The following ANKS1B variants were observed in gnomAD, a reference collection of about 807,000 sequenced individuals.
ANKS1B encodes the protein ankyrin repeat and sterile alpha motif domain containing 1B, also known as ankyrin repeat and sterile alpha motif domain-containing protein 1B.
In ANKS1B, 36 loss-of-function variants were observed where a neutral mutation model predicts 148.3. The observed-to-expected ratio is 0.24, with a 90% CI of 0.19 to 0.32. The LOEUF (loss-of-function observed/expected upper bound fraction) is 0.32, where lower values mean the gene tolerates loss of function less well. ANKS1B is among the 10% of genes least tolerant of loss of function. The pLI is 1.00. For missense variants in ANKS1B, 1,157 were observed against 1,542.6 expected (o/e 0.75, Z 4.19); for synonymous variants, 542 against 560.8 (o/e 0.97, Z 0.47).
chr12:98,910,167 T>C (rs534799895), intron 17 of ANKS1B, among the ~76,000 whole-genome samples: 2 of 152,268 alleles, frequency 1.3e-5, no homozygotes, highest in East Asian at 3.9e-4. Context: ...TAAAAGGAAA[T>C]ATAGTTTTGC....
At chr12:98,886,587 G>A (rs1358203513) in intron 17 of ANKS1B, among the ~76,000 whole-genome samples, 3 of 152,210 alleles carry the variant, frequency 2.0e-5, no homozygotes, top group African/African-American at 4.8e-5. Context: ...ATATGATACA[G>A]TATCTGATCT....
intron 17 of ANKS1B, among the ~76,000 whole-genome samples, chr12:98,853,589 C>T (rs1307714120): frequency 6.6e-6 from 1 of 152,226 alleles, no homozygotes; most frequent in Non-Finnish European, 1.5e-5. Context: ...CTTCTTCCCA[C>T]TCAGTTTTCA....
At chr12:99,809,671 G>C (rs941832157) in intron 3 of ANKS1B, among the ~76,000 whole-genome samples, 1 of 151,918 alleles carries the variant, frequency 6.6e-6, no homozygotes, top group South Asian at 2.1e-4. Flanking sequence ...TTATAATATA[G>C]TTTATAAACC....
In ANKS1B at chr12:99,773,004, C is replaced by T. The variant is rs773979049; in HGVS notation, c.1046G>A (p.Cys349Tyr). 5.0e-6 allele frequency: 8 copies of T among 1,612,126 alleles called. No individual in the cohort carries two copies. In the East Asian group the frequency reaches 1.1e-4, roughly 22 times the overall value. Residue 349 changes from cysteine to tyrosine, a missense_variant, in exon 8 of 27, where the codon TGC (cysteine) becomes TAC (tyrosine). Cys to Tyr is a radical substitution (Grantham distance 194). Around this residue, in one of 6 missense-constraint regions of ANKS1B, gnomAD observed 661 missense variants for 642.1 expected, o/e 1.03. Coordinates refer to ENST00000683438, the MANE Select transcript of ANKS1B (RefSeq NM_001352186.2). ...QEKDYSFEDL[C>Y]HTISDHYLDN... ...TAAGTAGTGGTCTGATATTGTGTGGCACAAGTCTTCAAACGAATAATCCTT... is the reference window on the plus strand; with the variant it reads ...TAAGTAGTGGTCTGATATTGTGTGGTACAAGTCTTCAAACGAATAATCCTT...
At chr12:99,777,333 A>G (rs1012230409) in intron 6 of ANKS1B, among the ~76,000 whole-genome samples, 2 of 152,226 alleles carry the variant, frequency 1.3e-5, no homozygotes, top group Admixed American at 1.3e-4. Flanking sequence ...TTTGCCAGTA[A>G]TTAGAGAACT....
intron 1 of ANKS1B, among the ~76,000 whole-genome samples, chr12:99,890,722 A>G (rs1462907192): frequency 6.6e-6 from 1 of 152,042 alleles, no homozygotes; most frequent in Non-Finnish European, 1.5e-5. Context: ...ATTCACATAC[A>G]TTTTCTGAGT....
chr12:99,597,978 T>G (rs572335132), intron 9 of ANKS1B, among the ~76,000 whole-genome samples: 1 of 152,106 alleles, frequency 6.6e-6, no homozygotes, highest in South Asian at 2.1e-4. Flanking sequence ...CTGAACCCAG[T>G]AAAAACTGAA....
chr12:99,624,259 T>C (rs907193692), intron 9 of ANKS1B, among the ~76,000 whole-genome samples: 1 of 152,012 alleles, frequency 6.6e-6, no homozygotes, highest in East Asian at 1.9e-4. Context: ...TAACCCAAAA[T>C]GGATTAAAGA....
chr12:99,140,223 T>TG (rs1445980402), intron 15 of ANKS1B, among the ~76,000 whole-genome samples: 1 of 152,184 alleles, frequency 6.6e-6, no homozygotes, highest in Non-Finnish European at 1.5e-5. Flanking sequence ...CACTACTTCA[T>TG]GGCCACTTCA....
At position 99,021,246 on chromosome 12, in the gene ANKS1B, ACTTGGGAGAGTTTTTTTT is replaced by A. The variant is rs2099945630; in HGVS notation, c.2778+31893_2778+31910del. On this transcript the variant is annotated intron_variant, in intron 17 of 26. Coordinates refer to ENST00000683438, the MANE Select transcript of ANKS1B (RefSeq NM_001352186.2). ...ATTGTAGCATGCCTTACACTTATTG[ACTTGGGAGAGTTTTTTTT>A]CTTAAAAATATAGTATCAATATAAT... Among the ~76,000 whole-genome samples the A allele has an allele frequency of 2.0e-5, 3 of 152,104 alleles. No individual in the cohort carries two copies. In the South Asian group the frequency reaches 6.2e-4, roughly 32 times the overall value.
At chr12:98,976,489 A>G (rs2099896289) in intron 17 of ANKS1B, 1 of 152,198 alleles carries the variant, frequency 6.6e-6, no homozygotes, top group Admixed American at 6.5e-5. Flanking sequence ...TTCTGAGTCA[A>G]AGGAGGAGAA....
intron 16 of ANKS1B, among the ~76,000 whole-genome samples, chr12:99,056,619 A>G (rs1458600018): frequency 6.6e-6 from 1 of 152,226 alleles, no homozygotes; most frequent in Non-Finnish European, 1.5e-5. Flanking sequence ...TTCAAGGCCG[A>G]TTGAGATTAG....
chr12:99,052,014 A>G (rs1369261074), intron 17 of ANKS1B, among the ~76,000 whole-genome samples: 1 of 152,230 alleles, frequency 6.6e-6, no homozygotes, highest in Non-Finnish European at 1.5e-5. Context: ...CATAAATGCC[A>G]TTTTCCTCAA....
In ANKS1B at chr12:99,763,046, G is replaced by GTTT. The variant is rs1284104232; in HGVS notation, c.1128+9875_1128+9876insAAA. ...GGGATCGCTTAAACACTATTTGTGGGAATGTCAGTTAATTCAGCTACTATA... is the reference window on the plus strand; with the variant it reads ...GGGATCGCTTAAACACTATTTGTGGGTTTAATGTCAGTTAATTCAGCTACTATA... On this transcript the variant is annotated intron_variant, in intron 8 of 26. Coordinates refer to ENST00000683438, the MANE Select transcript of ANKS1B (RefSeq NM_001352186.2). Among the ~76,000 whole-genome samples, 3 of 152,194 alleles carry GTTT rather than the reference G, an allele frequency of 2.0e-5. No homozygotes were observed. The East Asian group carries it at 5.8e-4, about 29-fold the overall frequency.
At chr12:99,457,544 A>G (rs1400392035) in intron 10 of ANKS1B, among the ~76,000 whole-genome samples, 1 of 152,120 alleles carries the variant, frequency 6.6e-6, no homozygotes, top group Non-Finnish European at 1.5e-5. Context: ...CACCCAACAC[A>G]TAAGGACTCA....
intron 14 of ANKS1B, among the ~76,000 whole-genome samples, chr12:99,189,916 G>A (rs532540516): frequency 7.2e-5 from 11 of 152,282 alleles, no homozygotes; most frequent in African/African-American, 2.6e-4. Context: ...GTTTGCAGAT[G>A]ATATGACTGT....
At chr12:99,602,233 T>TA (rs978417482) in intron 9 of ANKS1B, among the ~76,000 whole-genome samples, 5 of 151,896 alleles carry the variant, frequency 3.3e-5, no homozygotes, top group African/African-American at 7.3e-5. Context: ...AGTTTAACAG[T>TA]AAAAAAATTG....
intron 12 of ANKS1B, among the ~76,000 whole-genome samples, chr12:99,365,438 A>T (rs576484660): frequency 4.5e-4 from 68 of 152,314 alleles, no homozygotes; most frequent in African/African-American, 1.6e-3. Flanking sequence ...CTCTCCTGAA[A>T]TCAAGGCTGG....
intron 1 of ANKS1B, among the ~76,000 whole-genome samples, chr12:99,837,724 A>G (rs756495455): frequency 6.6e-6 from 1 of 152,136 alleles, no homozygotes; most frequent in South Asian, 2.1e-4. Context: ...ATTAACCACT[A>G]CATTATACTT....
Sources: allele counts gnomAD v4.1 joint callset (sites outside exome capture counted in the v4.1 genomes callset), GRCh38; gene constraint gnomAD v4.1.1; regional missense constraint gnomAD v4.1.1; transcripts MANE v1.5; gene names NCBI Gene and HGNC (gene_info 2026-07-23, HGNC 2026-07-21).